Variants in ADGRL3 observed in about 807,000 individuals in gnomAD.
ADGRL3 encodes the protein calcium-independent alpha-latrotoxin receptor 3.
Under a neutral mutation model 153.5 loss-of-function variants are expected in ADGRL3, and 62 were observed. The ratio of observed to expected loss-of-function variants is 0.40; its 90% CI spans 0.33 to 0.50. ADGRL3 has a LOEUF of 0.50. Ranked by LOEUF, ADGRL3 falls within the 20% of genes least tolerant of loss-of-function variation. The pLI is 0.47. For synonymous variants in ADGRL3, 710 were observed against 672.5 expected (o/e 1.06, Z -0.86); for missense variants, 1,641 against 1,859.4 (o/e 0.88, Z 2.16).
intron 9 of ADGRL3, among the ~76,000 whole-genome samples, chr4:61,848,195 A>G (rs990725615): frequency 7.0e-6 from 1 of 142,402 alleles, no homozygotes; most frequent in Non-Finnish European, 1.5e-5. Flanking sequence ...TGTAAACGTA[A>G]TAGTTCTAAT....
intron 8 of ADGRL3, among the ~76,000 whole-genome samples, chr4:61,736,137 T>C (rs1005890828): frequency 5.3e-5 from 8 of 152,120 alleles, no homozygotes; most frequent in African/African-American, 1.4e-4. Context: ...GTTTATATAT[T>C]CATATAGTCA....
chr4:62,031,532 C>G lies in ADGRL3; in HGVS notation c.3513C>G (p.Ile1171Met). The change falls in exon 23 of 27, where the codon ATC (isoleucine) becomes ATG (methionine). Residue 1171 changes from isoleucine (I) to methionine (M), a missense_variant. Physicochemically the swap from Ile to Met is conservative, Grantham distance 10. Transcript: ENST00000683033. ...GLMYINESTV[I>M]MAYLFTIFNS... ...TGTATATTAATGAAAGCACAGTCAT[C>G]ATGGCCTATCTCTTCACCATTTTCA... The G allele has an allele frequency of 6.2e-7, 1 of 1,610,294 alleles. No homozygotes were observed. Among genetic ancestry groups the G allele is most frequent in the East Asian group, 2.2e-5 (1 of 44,732 alleles).
chr4:61,471,415 G>A (rs1447344213), intron 2 of ADGRL3, among the ~76,000 whole-genome samples: 1 of 151,708 alleles, frequency 6.6e-6, no homozygotes, highest in Non-Finnish European at 1.5e-5. Context: ...TGGAAGTGAT[G>A]TTAATAGTAT....
intron 2 of ADGRL3, among the ~76,000 whole-genome samples, chr4:61,393,539 T>G (rs1303466732): frequency 1.3e-5 from 2 of 152,112 alleles, no homozygotes; most frequent in African/African-American, 4.8e-5. Flanking sequence ...TTTTCAGAAT[T>G]TAAAATGTCA....
At chr4:61,933,152 T>C (rs2098824651) in intron 13 of ADGRL3, among the ~76,000 whole-genome samples, 1 of 152,132 alleles carries the variant, frequency 6.6e-6, no homozygotes, top group African/African-American at 2.4e-5. Flanking sequence ...TTCTGTTGCA[T>C]GTGGGATTTT....
intron 1 of ADGRL3, among the ~76,000 whole-genome samples, chr4:61,209,643 C>A (rs111568235): frequency 2.0e-5 from 3 of 152,026 alleles, no homozygotes; most frequent in Admixed American, 2.0e-4. Flanking sequence ...GTACTTATTT[C>A]TGAGCTCTTC....
chr4:62,035,347 G>C (rs1483414064), intron 23 of ADGRL3, among the ~76,000 whole-genome samples: 1 of 151,924 alleles, frequency 6.6e-6, no homozygotes, highest in African/African-American at 2.4e-5. Context: ...GTAACAGGAG[G>C]GAGAGTGGTT....
At chr4:61,927,046 C>T (rs748298144) in intron 13 of ADGRL3, among the ~76,000 whole-genome samples, 4 of 152,166 alleles carry the variant, frequency 2.6e-5, no homozygotes, top group Non-Finnish European at 5.9e-5. Context: ...CCCTATGTTT[C>T]CATCATTATA....
At chr4:61,905,027 CA>C (rs1414733485) in intron 11 of ADGRL3, among the ~76,000 whole-genome samples, 1 of 151,806 alleles carries the variant, frequency 6.6e-6, no homozygotes, top group Non-Finnish European at 1.5e-5. Flanking sequence ...CCATGATTAA[CA>C]AAATAAAACA....
chr4:61,650,677 A>G (rs1158937415), intron 5 of ADGRL3, among the ~76,000 whole-genome samples: 1 of 152,068 alleles, frequency 6.6e-6, no homozygotes, highest in Non-Finnish European at 1.5e-5. Context: ...AAAATTGACT[A>G]CCAAGTAAGC....
At chr4:61,369,568 C>T (rs1384034921) in intron 1 of ADGRL3, among the ~76,000 whole-genome samples, 4 of 152,112 alleles carry the variant, frequency 2.6e-5, no homozygotes, top group Non-Finnish European at 5.9e-5. Flanking sequence ...CCTTGCATCC[C>T]AGGGATGAAG....
At chr4:61,675,306 G>A (rs928157813) in intron 5 of ADGRL3, among the ~76,000 whole-genome samples, 3 of 151,788 alleles carry the variant, frequency 2.0e-5, no homozygotes, top group African/African-American at 7.2e-5. Flanking sequence ...TAGCCCTGAG[G>A]TATTATATTT....
chr4:61,441,842 G>A (rs896341642), intron 2 of ADGRL3, among the ~76,000 whole-genome samples: 1 of 152,094 alleles, frequency 6.6e-6, no homozygotes, highest in African/African-American at 2.4e-5. Flanking sequence ...TATGGTTCGA[G>A]ATGATGTTCA....
intron 5 of ADGRL3, among the ~76,000 whole-genome samples, chr4:61,593,532 A>G (rs994678625): frequency 6.6e-6 from 1 of 152,028 alleles, no homozygotes; most frequent in Non-Finnish European, 1.5e-5. Flanking sequence ...TTTCTCCTTC[A>G]TGCTTAAAGG....
chr4:61,331,327 G>A (rs116673226), intron 1 of ADGRL3, among the ~76,000 whole-genome samples: 1,687 of 152,198 alleles, frequency 0.011, 33 homozygotes, highest in African/African-American at 0.039. Flanking sequence ...AATATTTCCT[G>A]AAATACTTTT....
rs796588403 is a variant in ADGRL3 at position 61,456,453 on chromosome 4, CTATATA to C, written c.-173-40663_-173-40658del. Among the ~76,000 whole-genome samples, 18 of 97,810 alleles carry C rather than the reference CTATATA, an allele frequency of 1.8e-4. No homozygotes were observed. The East Asian group carries it at 7.1e-3, about 39-fold the overall frequency. 64.2% of individuals were successfully genotyped at this position (97,810 alleles called of 152,430 possible). ...TCTATATATATAGATATATCTATATCTATATATATAGATATATCTATATCTATATAT... is the reference window on the plus strand; with the variant it reads ...TCTATATATATAGATATATCTATATCTATAGATATATCTATATCTATATAT... On this transcript the variant is annotated intron_variant, in intron 2 of 26. Transcript: ENST00000683033.
chr4:61,233,890 A>G (rs1751763485), intron 1 of ADGRL3, among the ~76,000 whole-genome samples: 1 of 152,202 alleles, frequency 6.6e-6, no homozygotes, highest in Admixed American at 6.5e-5. Flanking sequence ...TGACTAAATT[A>G]AAGATTGACA....
chr4:61,896,929 C>G lies in ADGRL3; in HGVS notation c.1887+1095C>G, dbSNP rs185598520. On this transcript the variant is annotated intron_variant, in intron 11 of 26. Transcript: ENST00000683033. Reference sequence around the variant, plus strand: ...ATTAGCAATTCTTTAAAAACAGTCCCTAGATACTTAGCCCAGGGGTGAATA... The same window carrying G: ...ATTAGCAATTCTTTAAAAACAGTCCGTAGATACTTAGCCCAGGGGTGAATA... 3.3e-5 allele frequency among the ~76,000 whole-genome samples: 5 copies of G among 152,260 alleles called. No individual in the cohort carries two copies. In the East Asian group the frequency reaches 9.7e-4, roughly 29 times the overall value.
chr4:61,923,827 T>C (rs1404933152), intron 13 of ADGRL3, among the ~76,000 whole-genome samples: 1 of 152,154 alleles, frequency 6.6e-6, no homozygotes, highest in African/African-American at 2.4e-5. Context: ...CCTCTATCAC[T>C]AAGCTGCTTG....
Sources: allele counts gnomAD v4.1 joint callset (sites outside exome capture counted in the v4.1 genomes callset), GRCh38; gene constraint gnomAD v4.1.1; transcripts MANE v1.5; gene names NCBI Gene and HGNC (gene_info 2026-07-23, HGNC 2026-07-21).